PDE4B: variants seen among roughly 807,000 people sequenced by gnomAD.
The protein encoded by PDE4B is phosphodiesterase 4B, also known as 3',5'-cyclic-AMP phosphodiesterase 4B.
PDE4B carries 20 observed loss-of-function variants against 82.2 expected under a neutral mutation model. The observed-to-expected ratio is 0.24, with a 90% confidence interval of 0.17 to 0.35. The LOEUF (loss-of-function observed/expected upper bound fraction) is 0.35, where lower values mean the gene tolerates loss of function less well. Among genes scored for constraint, PDE4B ranks in the 10% least tolerant of loss-of-function variants. The pLI is 1.00. For synonymous variants in PDE4B, 320 were observed against 318.9 expected, an observed-to-expected ratio of 1.00 and a Z score of -0.04; for missense variants, 655 against 907.2, an observed-to-expected ratio of 0.72 and a Z score of 3.57.
intron 3 of PDE4B, among the ~76,000 whole-genome samples, chr1:66,083,456 A>T (rs1289476377): frequency 6.6e-6 from 1 of 152,130 alleles, no homozygotes; most frequent in African/African-American, 2.4e-5. Context: ...AAGGGGTGCT[A>T]GGTATTGTAC....
At chr1:65,967,639 A>G (rs1414831973) in intron 3 of PDE4B, among the ~76,000 whole-genome samples, 4 of 152,204 alleles carry the variant, frequency 2.6e-5, no homozygotes, top group African/African-American at 7.2e-5. Context: ...TCAGTGATAG[A>G]TTGGATAAAG....
intron 3 of PDE4B, among the ~76,000 whole-genome samples, chr1:66,201,011 A>G (rs1648877420): frequency 1.3e-5 from 2 of 152,150 alleles, no homozygotes; most frequent in Non-Finnish European, 2.9e-5. Flanking sequence ...TTATTTTGAG[A>G]TACATCCCAT....
intron 3 of PDE4B, among the ~76,000 whole-genome samples, chr1:66,189,343 G>A (rs937775249): frequency 6.6e-6 from 1 of 152,080 alleles, no homozygotes; most frequent in Non-Finnish European, 1.5e-5. Context: ...GTATCTTTGT[G>A]GCATTCTCTG....
chr1:66,117,261 A>G (rs1259967271), intron 3 of PDE4B, among the ~76,000 whole-genome samples: 1 of 152,120 alleles, frequency 6.6e-6, no homozygotes, highest in Non-Finnish European at 1.5e-5. Flanking sequence ...TGCCAGAAAA[A>G]AAAAGTTGAT....
chr1:65,804,468 G>A (rs1645731036), intron 1 of PDE4B, among the ~76,000 whole-genome samples: 1 of 152,104 alleles, frequency 6.6e-6, no homozygotes, highest in Admixed American at 6.5e-5. Context: ...TTGTTTAATT[G>A]TCTTGGCTGT....
At chr1:66,225,247 T>C (rs1005228562) in intron 3 of PDE4B, among the ~76,000 whole-genome samples, 8 of 152,208 alleles carry the variant, frequency 5.3e-5, no homozygotes, top group African/African-American at 1.9e-4. Flanking sequence ...TGTTTTTATT[T>C]TCTCACCCCC....
intron 3 of PDE4B, among the ~76,000 whole-genome samples, chr1:66,143,275 T>C (rs1168783410): frequency 6.6e-6 from 1 of 152,204 alleles, no homozygotes; most frequent in African/African-American, 2.4e-5. Flanking sequence ...GCAGAATTCA[T>C]TTTAGCCAGG....
intron 4 of PDE4B, among the ~76,000 whole-genome samples, chr1:66,252,166 G>C (rs1022108724): frequency 6.6e-6 from 1 of 152,182 alleles, no homozygotes; most frequent in African/African-American, 2.4e-5. Context: ...AGGCTTGGTC[G>C]AGAAGATAGG....
intron 3 of PDE4B, among the ~76,000 whole-genome samples, chr1:66,075,095 C>A (rs1457625087): frequency 1.3e-5 from 2 of 151,860 alleles, no homozygotes; most frequent in Non-Finnish European, 2.9e-5. Context: ...TAGAGGAGGG[C>A]TACTCCACAG....
intron 3 of PDE4B, among the ~76,000 whole-genome samples, chr1:66,163,010 T>A (rs191733650): frequency 1.3e-5 from 2 of 152,344 alleles, no homozygotes; most frequent in African/African-American, 4.8e-5. Flanking sequence ...TTTTCCAATA[T>A]CCTAAATCAG....
chr1:66,050,568 T>C (rs1367581783), intron 3 of PDE4B: 1 of 152,140 alleles, frequency 6.6e-6, no homozygotes, highest in East Asian at 1.9e-4. Context: ...GTATAGACTT[T>C]GGGAAGAATG....
intron 3 of PDE4B, among the ~76,000 whole-genome samples, chr1:66,060,364 A>G (rs1414691868): frequency 6.6e-6 from 1 of 152,228 alleles, no homozygotes; most frequent in Admixed American, 6.5e-5. Context: ...TTTAAAATAC[A>G]TAGTACAATA....
intron 3 of PDE4B, among the ~76,000 whole-genome samples, chr1:65,973,289 T>C (rs932776036): frequency 1.3e-5 from 2 of 151,862 alleles, no homozygotes; most frequent in African/African-American, 4.8e-5. Flanking sequence ...TATTGATATA[T>C]AAAATATATA....
intron 7 of PDE4B, among the ~76,000 whole-genome samples, chr1:66,272,753 C>T (rs1475089897): frequency 6.7e-6 from 1 of 150,314 alleles, no homozygotes; most frequent in Non-Finnish European, 1.5e-5. Context: ...CCACTCTAAA[C>T]CAGCTTCCAT....
chr1:66,028,557 T>C (rs999140495), intron 3 of PDE4B, among the ~76,000 whole-genome samples: 2 of 152,180 alleles, frequency 1.3e-5, no homozygotes, highest in Admixed American at 1.3e-4. Flanking sequence ...TCTTTTCTAT[T>C]GCATAGTCAG....
intron 3 of PDE4B, among the ~76,000 whole-genome samples, chr1:66,215,745 C>A (rs1171819565): frequency 6.6e-6 from 1 of 152,100 alleles, no homozygotes; most frequent in Non-Finnish European, 1.5e-5. Context: ...TCTTCTGGAC[C>A]AATGAGTGAA....
intron 3 of PDE4B, among the ~76,000 whole-genome samples, chr1:66,104,583 CA>C (rs1277422127): frequency 6.7e-6 from 1 of 148,932 alleles, no homozygotes; most frequent in African/African-American, 2.5e-5. Context: ...TACTTCTCCA[CA>C]TCCTCTCCAG....
intron 3 of PDE4B, among the ~76,000 whole-genome samples, chr1:66,030,098 A>G (rs971588330): frequency 8.3e-5 from 12 of 144,764 alleles, no homozygotes; most frequent in Non-Finnish European, 1.8e-4. Flanking sequence ...TTCTGCATCT[A>G]TTGGGATGAC....
intron 3 of PDE4B, among the ~76,000 whole-genome samples, chr1:66,194,271 T>G (rs1037928634): frequency 6.6e-6 from 1 of 152,178 alleles, no homozygotes; most frequent in African/African-American, 2.4e-5. Context: ...AGTCTTCATC[T>G]TCTCAATTGT....
Sources: gnomAD v4.1 joint callset for allele counts (sites outside exome capture counted in the v4.1 genomes callset) on GRCh38, gnomAD v4.1.1 for gene constraint, MANE v1.5 for transcripts, NCBI Gene and HGNC (gene_info 2026-07-23, HGNC 2026-07-21) for gene names.